The following TRMT11 variants were observed in gnomAD, a reference collection of about 807,000 sequenced individuals.
The protein encoded by TRMT11 is tRNA (guanine(10)-N(2))-methyltransferase TRMT11.
A neutral mutation model predicts 62.8 loss-of-function variants in TRMT11; 53 were observed. That is an observed-to-expected ratio of 0.84 (90% CI 0.68 to 1.06). The LOEUF is 1.06. Ranked by LOEUF, TRMT11 falls within the 50% of genes least tolerant of loss-of-function variation. TRMT11 has a pLI of 0.00. For synonymous variants in TRMT11, 188 were observed against 190.3 expected, an observed-to-expected ratio of 0.99 and a Z score of 0.10; for missense variants, 556 against 553.4, an observed-to-expected ratio of 1.00 and a Z score of -0.05.
chr6:126,154,243 T>C (rs1360858164), intron 21 of TRMT11, among the ~76,000 whole-genome samples: 1 of 152,198 alleles, frequency 6.6e-6, no homozygotes, highest in Non-Finnish European at 1.5e-5. Context: ...GATTTAAATT[T>C]TCTTTGAACG....
At chr6:125,988,102 C>T (rs1381665472) in intron 1 of TRMT11, among the ~76,000 whole-genome samples, 2 of 152,010 alleles carry the variant, frequency 1.3e-5, no homozygotes, top group Non-Finnish European at 2.9e-5. Flanking sequence ...GATGTGAGAC[C>T]GCAGAAATCA....
downstream of TRMT11, among the ~76,000 whole-genome samples, chr6:126,206,024 A>T (rs376137068): frequency 2.6e-5 from 4 of 152,070 alleles, no homozygotes; most frequent in African/African-American, 9.7e-5. Flanking sequence ...TACTGCTGCC[A>T]ATTTGTAGGA....
chr6:126,236,689 A>G, the TRMT11 span, among the ~76,000 whole-genome samples: 439 of 152,314 alleles, frequency 2.9e-3, 5 homozygotes, highest in African/African-American at 1.0e-2. Flanking sequence ...AATAGGAAGG[A>G]ATATTTATTT....
Position 126,195,019 on chromosome 6 carries a change from C to T in TRMT11, n.144-3780C>T, listed in dbSNP as rs9482728. Among the ~76,000 whole-genome samples, 16 of 152,058 alleles carry T rather than the reference C, an allele frequency of 1.1e-4. 1 individual carries two copies. The South Asian group carries it at 2.1e-3, about 20-fold the overall frequency. On this transcript the variant is annotated intron_variant and non_coding_transcript_variant, in intron 1 of 3. Coordinates refer to the TRMT11 transcript ENST00000444229. ...TTGTCCCAGCTACTCAGGAGGCTGA[C>T]GCAGGAGGATTGCTTGAAACCAGGA...
intron 17 of TRMT11, among the ~76,000 whole-genome samples, chr6:126,088,780 G>T (rs940417026): frequency 6.6e-6 from 1 of 152,178 alleles, no homozygotes; most frequent in Admixed American, 6.5e-5. Context: ...TCCAAGAAAT[G>T]TAGGGGGTTT....
the TRMT11 span, among the ~76,000 whole-genome samples, chr6:126,220,324 C>G: frequency 6.6e-6 from 1 of 152,194 alleles, no homozygotes; most frequent in Admixed American, 6.5e-5. Flanking sequence ...AATAAATAGA[C>G]ATACGGAGAA....
chr6:126,022,964 G>A (rs532216717), intron 12 of TRMT11, among the ~76,000 whole-genome samples: 1 of 152,128 alleles, frequency 6.6e-6, no homozygotes, highest in African/African-American at 2.4e-5. Flanking sequence ...TAATTTTTCA[G>A]CATGTTCTTG....
chr6:126,244,963 T>C, the TRMT11 span, among the ~76,000 whole-genome samples: 1 of 152,192 alleles, frequency 6.6e-6, no homozygotes, highest in African/African-American at 2.4e-5. Context: ...TTCAATGTAA[T>C]GAGGTTAGAA....
intron 21 of TRMT11, among the ~76,000 whole-genome samples, chr6:126,144,344 T>C (rs1405862668): frequency 6.6e-6 from 1 of 152,152 alleles, no homozygotes; most frequent in African/African-American, 2.4e-5. Context: ...TTGGAAAAAA[T>C]TGGCGTGAAT....
the TRMT11 span, among the ~76,000 whole-genome samples, chr6:126,252,931 C>G: frequency 6.6e-6 from 1 of 152,108 alleles, no homozygotes. Flanking sequence ...GATTGAATTC[C>G]TCCTGTGTTC....
intron 12 of TRMT11, among the ~76,000 whole-genome samples, chr6:126,035,875 CT>C (rs771505583): frequency 2.2e-4 from 33 of 152,036 alleles, no homozygotes; most frequent in Non-Finnish European, 2.1e-4. Context: ...CAAAGATAAA[CT>C]ATTTTATTAA....
At chr6:126,136,578 T>A (rs2128210633) in intron 21 of TRMT11, among the ~76,000 whole-genome samples, 1 of 151,438 alleles carries the variant, frequency 6.6e-6, no homozygotes, top group South Asian at 2.1e-4. Flanking sequence ...TATACTACCC[T>A]AAGTGAACTA....
chr6:126,090,847 C>T (rs997522115), intron 17 of TRMT11, among the ~76,000 whole-genome samples: 6 of 152,108 alleles, frequency 3.9e-5, no homozygotes, highest in Non-Finnish European at 7.3e-5. Flanking sequence ...CCTCTTTCTT[C>T]AAAGCTTTTC....
At chr6:126,110,464 T>C (rs1341314583) in intron 17 of TRMT11, among the ~76,000 whole-genome samples, 3 of 152,188 alleles carry the variant, frequency 2.0e-5, no homozygotes, top group Non-Finnish European at 4.4e-5. Context: ...TAATTGCTTC[T>C]AAAAATCATC....
At chr6:126,203,969 T>C (rs1778766206), downstream of TRMT11, among the ~76,000 whole-genome samples, 6 of 151,432 alleles carry the variant, frequency 4.0e-5, no homozygotes, top group South Asian at 1.3e-3. Flanking sequence ...TAATGTGTTC[T>C]GTTTTCAATA....
At chr6:126,247,396 T>TA in the TRMT11 span, among the ~76,000 whole-genome samples, 8 of 151,522 alleles carry the variant, frequency 5.3e-5, no homozygotes. Context: ...ACGAATGAGT[T>TA]ATCACCGCAC....
chr6:126,250,803 G>T, the TRMT11 span, among the ~76,000 whole-genome samples: 1 of 152,176 alleles, frequency 6.6e-6, no homozygotes, highest in African/African-American at 2.4e-5. Flanking sequence ...AGTATCAGTG[G>T]GCTTTTTTTC....
At chr6:126,268,601 AG>A in the TRMT11 span, among the ~76,000 whole-genome samples, 12 of 152,160 alleles carry the variant, frequency 7.9e-5, no homozygotes, top group African/African-American at 2.7e-4. Context: ...CTTCTGGCTG[AG>A]ACTTGAGCCT....
At chr6:126,249,219 T>C in the TRMT11 span, among the ~76,000 whole-genome samples, 1 of 152,128 alleles carries the variant, frequency 6.6e-6, no homozygotes, top group Non-Finnish European at 1.5e-5. Flanking sequence ...AGAAAAATAA[T>C]TTCCTATCAT....
Sources: allele counts gnomAD v4.1 joint callset (sites outside exome capture counted in the v4.1 genomes callset), GRCh38; gene constraint gnomAD v4.1.1; transcripts MANE v1.5; gene names NCBI Gene and HGNC (gene_info 2026-07-23, HGNC 2026-07-21).